Variants in RMDN2 observed in about 807,000 individuals in gnomAD.
RMDN2 encodes regulator of microtubule dynamics 2, also known as regulator of microtubule dynamics protein 2.
RMDN2 carries 61 observed loss-of-function variants against 52.8 expected under a neutral mutation model. That is an observed-to-expected ratio of 1.16 (90% CI 0.94 to 1.43). RMDN2 has a LOEUF of 1.43. Ranked by LOEUF, RMDN2 falls within the 40% of genes most tolerant of loss-of-function variation. The pLI is 0.00. For missense variants in RMDN2, 592 were observed against 475.3 expected (o/e 1.25, Z -2.28); for synonymous variants, 180 against 153.1 (o/e 1.18, Z -1.30).
chr2:38,006,364 CCT>C (rs1303023095), intron 10 of RMDN2, among the ~76,000 whole-genome samples: 11 of 152,148 alleles, frequency 7.2e-5, no homozygotes, highest in Non-Finnish European at 1.5e-4. Flanking sequence ...TTGTTTGTAT[CCT>C]CTTTTATTTC....
At chr2:38,059,418 T>C (rs1160774774) in intron 10 of RMDN2, among the ~76,000 whole-genome samples, 3 of 152,088 alleles carry the variant, frequency 2.0e-5, no homozygotes, top group South Asian at 2.1e-4. Context: ...AGCAAGATGA[T>C]TGGATATTCC....
chr2:37,962,118 G>A (rs1398545740), intron 2 of RMDN2, among the ~76,000 whole-genome samples: 1 of 152,226 alleles, frequency 6.6e-6, no homozygotes, highest in African/African-American at 2.4e-5. Flanking sequence ...CCTATATGAG[G>A]TGTCTGTCAA....
intron 2 of RMDN2, among the ~76,000 whole-genome samples, chr2:37,949,028 G>A (rs144259401): frequency 3.5e-4 from 53 of 152,214 alleles, no homozygotes; most frequent in African/African-American, 1.2e-3. Context: ...TAAGCATTAC[G>A]TATTATGTTC....
At chr2:38,006,561 T>C (rs1410997635) in intron 10 of RMDN2, among the ~76,000 whole-genome samples, 1 of 152,206 alleles carries the variant, frequency 6.6e-6, no homozygotes, top group African/African-American at 2.4e-5. Flanking sequence ...TTTTGTATCC[T>C]GAGACTTTGC....
At chr2:37,960,126 G>A (rs1670008329) in intron 2 of RMDN2, among the ~76,000 whole-genome samples, 2 of 152,258 alleles carry the variant, frequency 1.3e-5, no homozygotes, top group Non-Finnish European at 2.9e-5. Context: ...CTGTTGATTT[G>A]GGGTGGAGAG....
intron 2 of RMDN2, among the ~76,000 whole-genome samples, chr2:37,947,761 G>A (rs1668341158): frequency 1.3e-5 from 2 of 152,168 alleles, no homozygotes; most frequent in African/African-American, 4.8e-5. Context: ...AGTACTTCAC[G>A]ATATTTGTTT....
At chr2:37,990,387 C>T (rs13411604) in intron 6 of RMDN2, among the ~76,000 whole-genome samples, 43 of 150,882 alleles carry the variant, frequency 2.8e-4, no homozygotes, top group Middle Eastern at 3.4e-3. Flanking sequence ...GGCATGGTGG[C>T]GGGCGCCTGT....
intron 10 of RMDN2, among the ~76,000 whole-genome samples, chr2:38,065,388 GAAAA>G (rs947882896): frequency 1.3e-5 from 2 of 151,246 alleles, no homozygotes; most frequent in Non-Finnish European, 3.0e-5. Context: ...AAAAAAAAAA[GAAAA>G]AGAAAGAGGC....
intron 10 of RMDN2, among the ~76,000 whole-genome samples, chr2:38,040,414 T>C (rs1257006893): frequency 6.6e-6 from 1 of 152,120 alleles, no homozygotes; most frequent in African/African-American, 2.4e-5. Context: ...CTGTCATGAA[T>C]AGGATTAGTG....
chr2:38,030,976 T>TAA (rs978639498), intron 10 of RMDN2, among the ~76,000 whole-genome samples: 4 of 143,706 alleles, frequency 2.8e-5, no homozygotes, highest in African/African-American at 1.0e-4. Context: ...GATAGACTTC[T>TAA]AAAAAAAAAA....
chr2:37,997,369 C>T, intron 7 of RMDN2, 47 bp from the exon 8 acceptor site: 1 of 1,213,854 alleles, frequency 8.2e-7, no homozygotes, highest in Non-Finnish European at 1.2e-6. Flanking sequence ...ATAATCCATT[C>T]AAAAGGTGAA....
intron 10 of RMDN2, among the ~76,000 whole-genome samples, chr2:38,057,421 T>C (rs1422982590): frequency 6.6e-6 from 1 of 152,226 alleles, no homozygotes; most frequent in Non-Finnish European, 1.5e-5. Context: ...TTGATTTCTT[T>C]CTACTATTTA....
intron 8 of RMDN2, among the ~76,000 whole-genome samples, chr2:38,000,078 A>G (rs1336676342): frequency 6.6e-6 from 1 of 152,186 alleles, no homozygotes; most frequent in Non-Finnish European, 1.5e-5. Context: ...TTGTTTTGCT[A>G]TTATAGCAGG....
rs554434800 is a variant in RMDN2, at chr2:37,939,921, C to G, written c.452+10192C>G. Among the ~76,000 whole-genome samples, 573 of 152,204 alleles carry G rather than the reference C, an allele frequency of 3.8e-3. 1 individual carries two copies. The highest frequency in any genetic ancestry group is 6.4e-3 in the Non-Finnish European group (438 of 67,998). ...TGTTATGTGTGAATTTGATCCTGTC[C>G]TTATGATGCTAGCTGGTTATTTTGC... On this transcript the variant is annotated intron_variant, in intron 2 of 10. Transcript: ENST00000354545.
intron 5 of RMDN2, among the ~76,000 whole-genome samples, chr2:37,986,751 G>C (rs1596861): frequency 0.42 from 63,355 of 151,738 alleles, 14,513 homozygotes; most frequent in East Asian, 0.78. Context: ...TGCAAAGAAA[G>C]AAACTCTCAG....
In RMDN2 at chr2:38,006,909, C is replaced by G. The variant is rs142480867; in HGVS notation, c.1179+2693C>G. ...TACCTAATTTATTAAGGGTTTTTAG[C>G]ATGAAGTGTTGTTGAATTTTGTCAA... On this transcript the variant is annotated intron_variant, in intron 10 of 10. Transcript: ENST00000354545. Among the ~76,000 whole-genome samples, 128 of 152,236 alleles carry G rather than the reference C, an allele frequency of 8.4e-4. 1 individual carries two copies. Among genetic ancestry groups the G allele is most frequent in the Non-Finnish European group, 1.9e-4 (13 of 68,020 alleles).
chr2:38,057,969 A>C (rs978996628), intron 10 of RMDN2, among the ~76,000 whole-genome samples: 2 of 152,232 alleles, frequency 1.3e-5, no homozygotes, highest in African/African-American at 4.8e-5. Context: ...ACCCAGTCTC[A>C]GGTATTTCTT....
chr2:37,991,244 C>G lies in RMDN2; in HGVS notation c.892C>G (p.Leu298Val). 4.4e-6 allele frequency: 7 copies of G among 1,589,560 alleles called. No homozygotes were observed. Among genetic ancestry groups the G allele is most frequent in the Non-Finnish European group, 6.0e-6 (7 of 1,166,514 alleles). Reference sequence around the variant, plus strand: ...GGAACATCTAGATATAGCAATCAAACTTTTACCAGAGGAACCCTTTCTATA... The same window carrying G: ...GGAACATCTAGATATAGCAATCAAAGTTTTACCAGAGGAACCCTTTCTATA... ...FKEHLDIAIK[L>V]LPEEPFLYYL... Residue 298 changes from leucine to valine, a missense_variant, in exon 7 of 11, where the codon CTT becomes GTT. Transcript: ENST00000354545.
intron 3 of RMDN2, among the ~76,000 whole-genome samples, chr2:37,974,449 C>T (rs760539112): frequency 1.6e-4 from 24 of 148,388 alleles, no homozygotes; most frequent in Non-Finnish European, 2.7e-4. Context: ...AAAATGAGAA[C>T]CAGAGCTATA....
Sources: allele counts gnomAD v4.1 joint callset (sites outside exome capture counted in the v4.1 genomes callset), GRCh38; gene constraint gnomAD v4.1.1; transcripts MANE v1.5; gene names NCBI Gene and HGNC (gene_info 2026-07-23, HGNC 2026-07-21).